Variants in GSPT1 observed in about 807,000 individuals in gnomAD.
GSPT1 encodes eukaryotic peptide chain release factor GTP-binding subunit ERF3A.
In GSPT1, 20 loss-of-function variants were observed where a neutral mutation model predicts 72.5. That is an observed-to-expected ratio of 0.28 (90% CI 0.19 to 0.40). The LOEUF (loss-of-function observed/expected upper bound fraction) is 0.40, where lower values mean the gene tolerates loss of function less well. GSPT1 is among the 10% of genes least tolerant of loss of function. GSPT1 has a pLI of 1.00. For synonymous variants in GSPT1, 334 were observed against 293.5 expected (o/e 1.14, Z -1.41); for missense variants, 580 against 811.9 (o/e 0.71, Z 3.47).
chr16:11,878,652 G>A (rs2054078570), intron 11 of GSPT1, among the ~76,000 whole-genome samples: 1 of 151,486 alleles, frequency 6.6e-6, no homozygotes, highest in Admixed American at 6.6e-5. Context: ...GGAGCCTCCA[G>A]TTCTGATGCC....
At position 11,886,786 on chromosome 16, in the gene GSPT1, C is replaced by A; in HGVS notation, c.1103G>T (p.Ser368Ile). 1.9e-6 allele frequency: 3 copies of A among 1,613,332 alleles called. No homozygotes were observed. The highest frequency in any genetic ancestry group is 2.5e-6 in the Non-Finnish European group (3 of 1,179,346). Residue 368 changes from serine (S) to isoleucine (I), a missense_variant, in exon 8 of 15, where the codon AGC (serine) becomes ATC (isoleucine). By Grantham distance (142) the Ser-to-Ile change is moderately radical. Coordinates refer to ENST00000434724, the MANE Select transcript of GSPT1 (RefSeq NM_002094.4). Reference protein sequence around the residue: ...NKMDDPTVNWSNERYEECKEK... With the variant: ...NKMDDPTVNWINERYEECKEK... The stretch of plus-strand genomic sequence containing the variant: ...AGACATCTACGCTCACCTCTCATTG[C>A]TCCAATTTACTGTTGGATCATCCAT...
intron 6 of GSPT1, among the ~76,000 whole-genome samples, chr16:11,888,237 T>C (rs1368503243): frequency 6.7e-6 from 1 of 150,084 alleles, no homozygotes; most frequent in Admixed American, 6.6e-5. Context: ...AGGCCGAGGC[T>C]GGCAGATCAC....
intron 10 of GSPT1, among the ~76,000 whole-genome samples, chr16:11,883,520 T>G (rs1596459839): frequency 1.3e-5 from 2 of 149,062 alleles, no homozygotes; most frequent in African/African-American, 5.0e-5. Context: ...CTCCAGAGGC[T>G]GAAGCAGAAG....
At chr16:11,899,519 G>A (rs1567447222) in intron 1 of GSPT1, among the ~76,000 whole-genome samples, 1 of 152,130 alleles carries the variant, frequency 6.6e-6, no homozygotes, top group Non-Finnish European at 1.5e-5. Context: ...CCTGACAGGA[G>A]TTGGGAGAAA....
In GSPT1 at chr16:11,915,505, G is replaced by T. The variant is rs1295576328; in HGVS notation, c.216C>A (p.Asn72Lys). 6.5e-7 allele frequency: 1 copy of T among 1,544,736 alleles called. No individual in the cohort carries two copies. Among genetic ancestry groups the T allele is most frequent in the Admixed American group, 1.9e-5 (1 of 51,490 alleles). Residue 72 changes from asparagine to lysine, a missense_variant, in exon 1 of 15, where the codon AAC becomes AAA. By Grantham distance (94) the Asn-to-Lys change is moderately conservative. This residue lies in a region of GSPT1 where 327 missense variants were observed against 298.8 expected (regional missense o/e 1.09). Transcript: ENST00000434724. ...GGACGTTGGGCACGAAGGGCTTGGC[G>T]TTGACGTTGAGTTGCCGGCTGAAGG... ...SAAFSRQLNVNAKPFVPNVHA... is the reference protein window; with the variant it reads ...SAAFSRQLNVKAKPFVPNVHA...
chr16:11,914,282 C>T (rs1187493787), intron 1 of GSPT1, among the ~76,000 whole-genome samples: 1 of 152,116 alleles, frequency 6.6e-6, no homozygotes, highest in African/African-American at 2.4e-5. Context: ...AAAATCAGTA[C>T]CTGAAAGCAA....
intron 1 of GSPT1, among the ~76,000 whole-genome samples, chr16:11,900,478 A>G (rs2054392516): frequency 6.6e-6 from 1 of 152,092 alleles, no homozygotes; most frequent in Admixed American, 6.6e-5. Context: ...ACTAATTTTT[A>G]TTGAGCCCTA....
chr16:11,915,498 G>A lies in GSPT1; in HGVS notation c.223C>T (p.Pro75Ser), dbSNP rs778887874. ...FSRQLNVNAK[P>S]FVPNVHAAEF... ...GCGGCGTGGACGTTGGGCACGAAGG[G>A]CTTGGCGTTGACGTTGAGTTGCCGG... The change falls in exon 1 of 15, where the codon CCC becomes TCC. Residue 75 changes from proline (P) to serine (S), a missense_variant. Physicochemically the swap from Pro to Ser is moderately conservative, Grantham distance 74 (BLOSUM62 -1). Coordinates refer to ENST00000434724, the MANE Select transcript of GSPT1 (RefSeq NM_002094.4). The A allele has an allele frequency of 3.9e-6, 6 of 1,549,238 alleles. No homozygotes were observed. Among genetic ancestry groups the A allele is most frequent in the Non-Finnish European group, 5.2e-6 (6 of 1,149,828 alleles).
At chr16:11,891,317 AAATAT>A (rs1205386993) in intron 5 of GSPT1, among the ~76,000 whole-genome samples, 178 bp from the exon 6 acceptor site, 4 of 147,806 alleles carry the variant, frequency 2.7e-5, no homozygotes, top group Admixed American at 1.4e-4. Context: ...TTTTTATATA[AAATAT>A]ATTACACATT....
At chr16:11,909,444 T>C (rs2054529981) in intron 1 of GSPT1, among the ~76,000 whole-genome samples, 1 of 152,184 alleles carries the variant, frequency 6.6e-6, no homozygotes, top group African/African-American at 2.4e-5. Flanking sequence ...CTTCAACTAG[T>C]AGCCAAATTC....
intron 4 of GSPT1, among the ~76,000 whole-genome samples, chr16:11,896,093 A>G (rs1173921270): frequency 2.0e-5 from 3 of 152,268 alleles, no homozygotes; most frequent in Non-Finnish European, 4.4e-5. Flanking sequence ...AGTAAATTAA[A>G]TAAATTTGTT....
In GSPT1 at chr16:11,908,529, G is replaced by A. The variant is rs1226706189; in HGVS notation, c.352+6840C>T. On this transcript the variant is annotated intron_variant, in intron 1 of 14. Transcript: ENST00000434724. ...TAATCCCAGCACTTTGGGAGGCCGA[G>A]GCGGGCGGATCACGAGGTCAGGAGA... 2 of 110,196 alleles carry A rather than the reference G, an allele frequency of 1.8e-5. 1 individual carries two copies. Among genetic ancestry groups the A allele is most frequent in the African/African-American group, 9.0e-5 (2 of 22,110 alleles). The allele number at this position is 110,196 out of a possible 1,614,324, so 6.8% of individuals were successfully genotyped here. A position where few individuals can be genotyped will look rare whatever the true frequency, so the allele number is the denominator to read the frequency against.
Position 11,872,847 on chromosome 16 carries a change from A to G in GSPT1, c.*272T>C. On this transcript the variant is annotated 3_prime_UTR_variant, in exon 15 of 15. Transcript: ENST00000434724. The stretch of plus-strand genomic sequence containing the variant: ...TTCATTATTGTAGGCAATTATGTCC[A>G]CATCACTTACAAAGCTATTGCCAAA... 2.8e-6 allele frequency: 1 copy of G among 358,880 alleles called. No homozygotes were observed. Among genetic ancestry groups the G allele is most frequent in the African/African-American group, 2.1e-5 (1 of 48,460 alleles). 22.2% of individuals were successfully genotyped at this position (358,880 alleles called of 1,614,324 possible). A position where few individuals can be genotyped will look rare whatever the true frequency, so the allele number is the denominator to read the frequency against.
chr16:11,874,456 T>TG (rs1265373715), intron 14 of GSPT1, among the ~76,000 whole-genome samples: 1 of 47,300 alleles, frequency 2.1e-5, no homozygotes, highest in Non-Finnish European at 3.7e-5. Context: ...CAAGTTAGCT[T>TG]TTTTTTTTTT....
Position 11,915,347 on chromosome 16 carries a change from CTCCCGCGTCCCGGGCCTTT to C in GSPT1, c.352+3_352+21del. On this transcript the variant is annotated splice_donor_5th_base_variant and intron_variant, in intron 1 of 14. Transcript: ENST00000434724. ...GGGCTCCGGCGCCCGGCCGGACTTC[CTCCCGCGTCCCGGGCCTTT>C]ACCCGCACGGCCTCCCGCGCCGCTG... The C allele has an allele frequency of 6.9e-7, 1 of 1,442,286 alleles. No individual in the cohort carries two copies. The allele number at this position is 1,442,286 out of a possible 1,614,324, so 89.3% of individuals were successfully genotyped here. A position where few individuals can be genotyped will look rare whatever the true frequency, so the allele number is the denominator to read the frequency against.
At position 11,915,409 on chromosome 16, in the gene GSPT1, G is replaced by A; in HGVS notation, c.312C>T (p.Ala104=). ...AAPPPPVGGA[A]NNHGAGSGAG... ...CGCCGCTGCCGGCTCCGTGGTTATT[G>A]GCGGCGCCGCCAACTGGGGGTGGCG... Residue 104 remains alanine (A), a synonymous_variant, in exon 1 of 15, where the codon GCC becomes GCT. Coordinates refer to ENST00000434724, the MANE Select transcript of GSPT1 (RefSeq NM_002094.4). The A allele has an allele frequency of 6.6e-7, 1 of 1,509,262 alleles. No individual in the cohort carries two copies. The highest frequency in any genetic ancestry group is 8.8e-7 in the Non-Finnish European group (1 of 1,133,288). 93.5% of individuals were successfully genotyped at this position (1,509,262 alleles called of 1,614,324 possible). A position where few individuals can be genotyped will look rare whatever the true frequency, so the allele number is the denominator to read the frequency against.
intron 1 of GSPT1, among the ~76,000 whole-genome samples, chr16:11,911,194 T>G (rs1029475738): frequency 6.6e-6 from 1 of 152,214 alleles, no homozygotes; most frequent in Non-Finnish European, 1.5e-5. Flanking sequence ...ATTTAACATA[T>G]TAATAAAGTG....
intron 1 of GSPT1, among the ~76,000 whole-genome samples, chr16:11,903,105 G>A (rs113459663): frequency 6.6e-6 from 1 of 152,154 alleles, no homozygotes; most frequent in Non-Finnish European, 1.5e-5. Flanking sequence ...GCAGCCAACA[G>A]TATGTCTGTT....
At chr16:11,914,261 G>C (rs1465950008) in intron 1 of GSPT1, among the ~76,000 whole-genome samples, 2 of 152,068 alleles carry the variant, frequency 1.3e-5, no homozygotes, top group African/African-American at 4.8e-5. Flanking sequence ...TCACTCATTT[G>C]ACATTCCCAC....
Sources: gnomAD v4.1 joint callset for allele counts (sites outside exome capture counted in the v4.1 genomes callset) on GRCh38, gnomAD v4.1.1 for gene constraint, gnomAD v4.1.1 regional missense constraint, MANE v1.5 for transcripts, NCBI Gene and HGNC (gene_info 2026-07-23, HGNC 2026-07-21) for gene names.